FRMD4B: variants seen among roughly 807,000 people sequenced by gnomAD.
FRMD4B encodes the protein FERM domain containing 4B, also known as FERM domain-containing protein 4B.
FRMD4B carries 74 observed loss-of-function variants against 141.5 expected under a neutral mutation model. The ratio of observed to expected loss-of-function variants is 0.52; its 90% CI spans 0.43 to 0.63. The LOEUF (loss-of-function observed/expected upper bound fraction) is 0.63. Ranked by LOEUF, FRMD4B falls within the 30% of genes least tolerant of loss-of-function variation. The pLI is 0.00. For missense variants in FRMD4B, 1,366 were observed against 1,253.4 expected, an observed-to-expected ratio of 1.09 and a Z score of -1.36; for synonymous variants, 506 against 467.9, an observed-to-expected ratio of 1.08 and a Z score of -1.05.
intron 1 of FRMD4B, among the ~76,000 whole-genome samples, chr3:69,437,930 T>C (rs1282825336): frequency 7.3e-6 from 1 of 137,906 alleles, no homozygotes; most frequent in African/African-American, 2.7e-5. Context: ...TTATATATTA[T>C]ATATACTATA....
At chr3:69,239,509 T>C (rs1250403199) in intron 7 of FRMD4B, among the ~76,000 whole-genome samples, 1 of 152,152 alleles carries the variant, frequency 6.6e-6, no homozygotes, top group African/African-American at 2.4e-5. Context: ...CATGTCTACT[T>C]TGAACCTTTA....
chr3:69,281,012 C>T (rs956601056), intron 5 of FRMD4B, among the ~76,000 whole-genome samples: 4 of 152,052 alleles, frequency 2.6e-5, no homozygotes, highest in Non-Finnish European at 5.9e-5. Context: ...CTCACCACAA[C>T]CTCTGCCTCC....
intron 5 of FRMD4B, among the ~76,000 whole-genome samples, chr3:69,267,041 C>T (rs1459841794): frequency 6.6e-6 from 1 of 152,066 alleles, no homozygotes; most frequent in Non-Finnish European, 1.5e-5. Context: ...ATTGCAGATA[C>T]CTGGAGAACT....
intron 5 of FRMD4B, among the ~76,000 whole-genome samples, chr3:69,280,134 C>G (rs2093637977): frequency 6.6e-6 from 1 of 152,096 alleles, no homozygotes; most frequent in South Asian, 2.1e-4. Flanking sequence ...CTAGCAGGAG[C>G]AGGTTGCCCA....
chr3:69,500,160 G>C (rs1433194410), intron 1 of FRMD4B, among the ~76,000 whole-genome samples: 1 of 152,194 alleles, frequency 6.6e-6, no homozygotes, highest in African/African-American at 2.4e-5. Context: ...ACTGTGGTTT[G>C]GACAGAGAGC....
At chr3:69,494,080 A>G (rs2107034380) in intron 1 of FRMD4B, among the ~76,000 whole-genome samples, 1 of 152,282 alleles carries the variant, frequency 6.6e-6, no homozygotes, top group South Asian at 2.1e-4. Flanking sequence ...GGGTCTTGAT[A>G]TGTTGCCCAG....
At chr3:69,260,547 G>C (rs758292662) in intron 5 of FRMD4B, among the ~76,000 whole-genome samples, 1 of 152,226 alleles carries the variant, frequency 6.6e-6, no homozygotes, top group African/African-American at 2.4e-5. Context: ...CGCCATGCCT[G>C]AGCCCCCCCT....
Position 69,195,340 on chromosome 3 carries a change from T to C in FRMD4B, c.1259A>G (p.Glu420Gly). ...AAGGATTTTTTCTCTCTTTTGCTCT[T>C]CACTAACTTCTGAGTCTTGAGAACC... ...SSGSQDSEVSEEQKREKILEL... is the reference protein window; with the variant it reads ...SSGSQDSEVSGEQKREKILEL... Residue 420 changes from glutamate to glycine, a missense_variant, in exon 15 of 23, where the codon GAA becomes GGA. Physicochemically the swap from Glu to Gly is moderately conservative, Grantham distance 98. Transcript: ENST00000398540. 2 of 1,612,884 alleles carry C rather than the reference T, an allele frequency of 1.2e-6. No individual in the cohort carries two copies. The highest frequency in any genetic ancestry group is 1.7e-6 in the Non-Finnish European group (2 of 1,179,514).
chr3:69,294,442 A>G (rs939681186), intron 4 of FRMD4B, among the ~76,000 whole-genome samples: 5 of 152,222 alleles, frequency 3.3e-5, no homozygotes, highest in South Asian at 2.1e-4. Flanking sequence ...TGGGAGTCCA[A>G]TATGTTCCCT....
intron 5 of FRMD4B, among the ~76,000 whole-genome samples, chr3:69,251,162 C>T (rs1461175787): frequency 6.6e-6 from 1 of 151,998 alleles, no homozygotes; most frequent in Non-Finnish European, 1.5e-5. Context: ...AAAAAAATTC[C>T]ACGTAACTCC....
chr3:69,493,812 T>G (rs1275625704), intron 1 of FRMD4B, among the ~76,000 whole-genome samples: 1 of 152,174 alleles, frequency 6.6e-6, no homozygotes, highest in Non-Finnish European at 1.5e-5. Context: ...TCATAAAAAC[T>G]GCTGAATGGA....
chr3:69,445,187 T>G (rs1009493544), intron 1 of FRMD4B, among the ~76,000 whole-genome samples: 2 of 152,132 alleles, frequency 1.3e-5, no homozygotes, highest in East Asian at 3.9e-4. Flanking sequence ...AAAAGGCTCA[T>G]AAAAAGAAGG....
chr3:69,477,142 A>G (rs1706016098), intron 1 of FRMD4B, among the ~76,000 whole-genome samples: 1 of 152,194 alleles, frequency 6.6e-6, no homozygotes, highest in African/African-American at 2.4e-5. Flanking sequence ...CAATCATGTC[A>G]TCTGCAAACA....
intron 1 of FRMD4B, among the ~76,000 whole-genome samples, chr3:69,445,742 C>T (rs1317591879): frequency 6.6e-6 from 1 of 152,210 alleles, no homozygotes; most frequent in Non-Finnish European, 1.5e-5. Flanking sequence ...ACATAGCTGG[C>T]TCCATCTCAT....
chr3:69,267,171 T>C (rs1187521519), intron 5 of FRMD4B, among the ~76,000 whole-genome samples: 1 of 152,208 alleles, frequency 6.6e-6, no homozygotes, highest in Non-Finnish European at 1.5e-5. Context: ...ATGTCCAACA[T>C]GACATGTGTT....
exon 2 of FRMD4B, chr3:69,432,652 C>T (rs1705199590): frequency 6.6e-6 from 1 of 152,116 alleles, no homozygotes; most frequent in South Asian, 2.1e-4. Context: ...AGTAAGTATT[C>T]TCTTGCCTTT....
At chr3:69,320,497 G>A (rs564214592) in intron 1 of FRMD4B, among the ~76,000 whole-genome samples, 2 of 152,262 alleles carry the variant, frequency 1.3e-5, no homozygotes, top group South Asian at 4.1e-4. Context: ...GGAAGCTGAG[G>A]CAGGAGGATC....
chr3:69,416,806 G>A (rs917638870), intron 2 of FRMD4B, among the ~76,000 whole-genome samples: 1 of 152,074 alleles, frequency 6.6e-6, no homozygotes, highest in Non-Finnish European at 1.5e-5. Context: ...GTGGTGTTTG[G>A]TTTTCTGTTC....
intron 7 of FRMD4B, among the ~76,000 whole-genome samples, chr3:69,241,036 C>G (rs2093378877): frequency 6.6e-6 from 1 of 152,112 alleles, no homozygotes; most frequent in Non-Finnish European, 1.5e-5. Context: ...GGTGTAACGG[C>G]CTGGTCCACT....
Sources: allele counts gnomAD v4.1 joint callset (sites outside exome capture counted in the v4.1 genomes callset), GRCh38; gene constraint gnomAD v4.1.1; transcripts MANE v1.5; gene names NCBI Gene and HGNC (gene_info 2026-07-23, HGNC 2026-07-21).